ITGB8: variants seen among roughly 807,000 people sequenced by gnomAD.
ITGB8 encodes the protein integrin beta-8.
Under a neutral mutation model 89.5 loss-of-function variants are expected in ITGB8, and 30 were observed. The observed-to-expected ratio is 0.34, with a 90% CI of 0.25 to 0.45. The LOEUF (loss-of-function observed/expected upper bound fraction) is 0.45, where lower values mean the gene tolerates loss of function less well. Ranked by LOEUF, ITGB8 falls within the 20% of genes least tolerant of loss-of-function variation. The pLI, the probability that ITGB8 is intolerant of heterozygous loss-of-function variation, is 1.00. For missense variants in ITGB8, 836 were observed against 933.3 expected, an observed-to-expected ratio of 0.90 and a Z score of 1.36; for synonymous variants, 335 against 320.4, an observed-to-expected ratio of 1.05 and a Z score of -0.49.
intron 3 of ITGB8, among the ~76,000 whole-genome samples, chr7:20,375,033 A>T (rs565311400): frequency 6.6e-6 from 1 of 152,218 alleles, no homozygotes; most frequent in Admixed American, 6.5e-5. Context: ...GGCATGCTAG[A>T]GTTCAATTGA....
intron 1 of ITGB8, among the ~76,000 whole-genome samples, chr7:20,333,689 A>G (rs1279392606): frequency 1.3e-5 from 2 of 152,222 alleles, no homozygotes; most frequent in Admixed American, 6.5e-5. Context: ...GAATGGGCCT[A>G]CTTGCACCTG....
intron 1 of ITGB8, among the ~76,000 whole-genome samples, chr7:20,343,915 A>T (rs907306729): frequency 7.2e-5 from 11 of 152,182 alleles, no homozygotes; most frequent in African/African-American, 2.2e-4. Context: ...CTTGGTGAGT[A>T]CATCATTTAA....
chr7:20,379,118 T>A lies in ITGB8; in HGVS notation c.456T>A (p.Leu152=). The part of the protein sequence containing the change: ...LKKYPVDLYY[L]VDVSASMHNN... ...AATATCCTGTGGATCTTTATTATCT[T>A]GTTGATGTCTCAGCATCAATGCACA... Residue 152 remains leucine (L), a synonymous_variant, in exon 4 of 14, where the codon CTT becomes CTA. Coordinates refer to ENST00000222573, the MANE Select transcript of ITGB8 (RefSeq NM_002214.3). 1.9e-6 allele frequency: 3 copies of A among 1,601,394 alleles called. No individual in the cohort carries two copies. The highest frequency in any genetic ancestry group is 2.6e-6 in the Non-Finnish European group (3 of 1,171,804).
chr7:20,386,243 A>ATTTTTTTT (rs3032551), intron 6 of ITGB8, among the ~76,000 whole-genome samples: 161 of 144,842 alleles, frequency 1.1e-3, no homozygotes, highest in African/African-American at 3.7e-3. Flanking sequence ...CTATGAGAAC[A>ATTTTTTTT]TTTTTTTTTT....
At chr7:20,389,718 C>T (rs1786776348) in intron 6 of ITGB8, among the ~76,000 whole-genome samples, 1 of 152,126 alleles carries the variant, frequency 6.6e-6, no homozygotes, top group South Asian at 2.1e-4. Context: ...ATTTACCTTG[C>T]CTCTGCTTGT....
intron 1 of ITGB8, among the ~76,000 whole-genome samples, chr7:20,341,440 G>A (rs893557110): frequency 2.0e-5 from 3 of 152,104 alleles, no homozygotes; most frequent in African/African-American, 7.2e-5. Flanking sequence ...CCTAAAGTGA[G>A]GGCCAACGTA....
intron 8 of ITGB8, among the ~76,000 whole-genome samples, chr7:20,397,921 CTCTT>C (rs1787153912): frequency 6.6e-6 from 1 of 151,832 alleles, no homozygotes; most frequent in Non-Finnish European, 1.5e-5. Flanking sequence ...GCTGCTCACT[CTCTT>C]TCTTTAGGCA....
At position 20,401,995 on chromosome 7, in the gene ITGB8, T is replaced by C. The variant is rs1787333730; in HGVS notation, c.1556T>C (p.Val519Ala). 1.9e-6 allele frequency: 3 copies of C among 1,614,174 alleles called. 1 individual carries two copies. The Admixed American group carries it at 5.0e-5, about 27-fold the overall frequency. ...ESCKSHKDQP[V>A]CSGRGVCVCG... ...TGCAAGTCACACAAGGATCAGCCTG[T>C]TTGCAGTGGTCGAGGAGTTTGTGTT... Residue 519 changes from valine (V) to alanine (A), a missense_variant, in exon 10 of 14, where the codon GTT becomes GCT. Val to Ala is a moderately conservative substitution (Grantham distance 64). Coordinates refer to ENST00000222573, the MANE Select transcript of ITGB8 (RefSeq NM_002214.3).
chr7:20,404,592 C>T, intron 10 of ITGB8, 36 bp from the exon 11 acceptor site: 1 of 1,561,574 alleles, frequency 6.4e-7, no homozygotes, highest in East Asian at 2.3e-5. Context: ...AGTCAGTGAT[C>T]CAGATAACAT....
intron 6 of ITGB8, chr7:20,382,231 G>A (rs117473174): frequency 1.8e-4 from 32 of 173,414 alleles, no homozygotes; most frequent in Non-Finnish European, 2.9e-4. Context: ...CCAGGTCTAC[G>A]GGGTCGATAT....
chr7:20,334,296 A>C (rs960942380), intron 1 of ITGB8, among the ~76,000 whole-genome samples: 2 of 152,218 alleles, frequency 1.3e-5, no homozygotes, highest in East Asian at 3.8e-4. Flanking sequence ...AAAAACATAA[A>C]GTATATCTAG....
chr7:20,394,927 C>G lies in ITGB8; in HGVS notation c.1088C>G (p.Ala363Gly). The change falls in exon 8 of 14, where the codon GCT (alanine) becomes GGT (glycine). Residue 363 changes from alanine to glycine, a missense_variant. Transcript: ENST00000222573. Reference protein sequence around the residue: ...DLLPLLPGTIAGEIESKAANL... With the variant: ...DLLPLLPGTIGGEIESKAANL... ...CTACCCCTCTTGCCAGGCACCATTG[C>G]TGGTGAAATAGAATCAAAGGCTGCA... 1 of 1,613,316 alleles carries G rather than the reference C, an allele frequency of 6.2e-7. No individual in the cohort carries two copies. Among genetic ancestry groups the G allele is most frequent in the Admixed American group, 1.7e-5 (1 of 60,016 alleles).
At chr7:20,338,215 C>T (rs1784638207) in intron 1 of ITGB8, among the ~76,000 whole-genome samples, 1 of 152,100 alleles carries the variant, frequency 6.6e-6, no homozygotes, top group Non-Finnish European at 1.5e-5. Context: ...CTTATTTTAC[C>T]TATGGGTTTC....
intron 8 of ITGB8, among the ~76,000 whole-genome samples, chr7:20,398,515 T>C (rs1787179083): frequency 6.6e-6 from 1 of 152,222 alleles, no homozygotes; most frequent in Non-Finnish European, 1.5e-5. Flanking sequence ...GTTCTCAAGG[T>C]TTAATTACAC....
At chr7:20,397,801 A>G (rs974064907) in intron 8 of ITGB8, among the ~76,000 whole-genome samples, 4 of 152,228 alleles carry the variant, frequency 2.6e-5, no homozygotes, top group Non-Finnish European at 5.9e-5. Flanking sequence ...TCCATGATCA[A>G]TTATTTGTCA....
intron 1 of ITGB8, among the ~76,000 whole-genome samples, chr7:20,353,857 G>A (rs1174876150): frequency 6.8e-6 from 1 of 147,316 alleles, no homozygotes; most frequent in African/African-American, 2.6e-5. Context: ...GCGTGAACCC[G>A]GGAGGCGAAG....
At chr7:20,348,324 C>T (rs1784996831) in intron 1 of ITGB8, among the ~76,000 whole-genome samples, 1 of 152,096 alleles carries the variant, frequency 6.6e-6, no homozygotes, top group Non-Finnish European at 1.5e-5. Flanking sequence ...CTGGCAGTGC[C>T]CCATAAGGCA....
Position 20,331,685 on chromosome 7 carries a change from C to A in ITGB8, c.-122C>A. 1 of 1,239,228 alleles carries A rather than the reference C, an allele frequency of 8.1e-7. No homozygotes were observed. Among genetic ancestry groups the A allele is most frequent in the Non-Finnish European group, 1.1e-6 (1 of 930,074 alleles). 76.8% of individuals were successfully genotyped at this position (1,239,228 alleles called of 1,614,324 possible). A position where few individuals can be genotyped will look rare whatever the true frequency, so the allele number is the denominator to read the frequency against. The stretch of plus-strand genomic sequence containing the variant: ...TGCTCCGAGCCGCGGGGTCCGCCTG[C>A]TAGGCCTGCGGAAAACGTCCTAGCG... On this transcript the variant is annotated 5_prime_UTR_variant, in exon 1 of 14. Coordinates refer to ENST00000222573, the MANE Select transcript of ITGB8 (RefSeq NM_002214.3).
chr7:20,341,020 A>T (rs1173213105), intron 1 of ITGB8, among the ~76,000 whole-genome samples: 2 of 152,212 alleles, frequency 1.3e-5, no homozygotes, highest in Non-Finnish European at 2.9e-5. Flanking sequence ...GCAATAGAAC[A>T]AAGGATGCAA....
Sources: allele counts gnomAD v4.1 joint callset (sites outside exome capture counted in the v4.1 genomes callset), GRCh38; gene constraint gnomAD v4.1.1; transcripts MANE v1.5; gene names NCBI Gene and HGNC (gene_info 2026-07-23, HGNC 2026-07-21).